Variants in ARK2N observed in about 807,000 individuals in gnomAD.
ARK2N encodes the protein arkadia (RNF111) N-terminal like PKA signaling regulator 2N.
At chr18:46,216,542 A>G in the ARK2N span, 12 of 1,614,028 alleles carry the variant, frequency 7.4e-6, no homozygotes, top group Non-Finnish European at 9.3e-6. This position sits in a 1 kb window ranked among gnomAD's most constrained non-coding sequence, Gnocchi z 4.3. Flanking sequence ...AGCTCATCAG[A>G]TGATGATGAA....
the ARK2N span, among the ~76,000 whole-genome samples, chr18:46,214,650 A>G: frequency 6.6e-6 from 1 of 152,334 alleles, no homozygotes; most frequent in Middle Eastern, 3.4e-3. Context: ...TGTATGGTTA[A>G]TTGGAGTTGT....
the ARK2N span, among the ~76,000 whole-genome samples, chr18:46,184,330 G>A: frequency 6.6e-6 from 1 of 152,124 alleles, no homozygotes; most frequent in Admixed American, 6.6e-5. Context: ...CAGCATGTTG[G>A]CTAGGCTGGT....
At chr18:46,253,218 T>C in the ARK2N span, among the ~76,000 whole-genome samples, 33 of 152,248 alleles carry the variant, frequency 2.2e-4, no homozygotes, top group Non-Finnish European at 4.1e-4. Flanking sequence ...TATTATTCTA[T>C]ATGTGCCTTT....
At chr18:46,257,193 T>C in the ARK2N span, among the ~76,000 whole-genome samples, 1 of 152,212 alleles carries the variant, frequency 6.6e-6, no homozygotes, top group Non-Finnish European at 1.5e-5. Flanking sequence ...TTTTAAGAAC[T>C]CAGATTTGGT....
the ARK2N span, among the ~76,000 whole-genome samples, chr18:46,242,763 T>C: frequency 6.6e-6 from 1 of 152,228 alleles, no homozygotes; most frequent in African/African-American, 2.4e-5. Flanking sequence ...ATGAGTTTTG[T>C]TGTTGTTATG....
the ARK2N span, among the ~76,000 whole-genome samples, chr18:46,242,617 A>C: frequency 6.6e-6 from 1 of 152,158 alleles, no homozygotes; most frequent in Non-Finnish European, 1.5e-5. Flanking sequence ...TGGATATTTA[A>C]TGTGTGGTAT....
chr18:46,266,586 G>A, the ARK2N span: 1 of 152,478 alleles, frequency 6.6e-6, no homozygotes. Flanking sequence ...TTGTTGTTTT[G>A]TTTCTTAAAG....
the ARK2N span, among the ~76,000 whole-genome samples, chr18:46,236,398 A>G: frequency 4.6e-5 from 7 of 152,264 alleles, no homozygotes; most frequent in Non-Finnish European, 1.0e-4. Flanking sequence ...GAGGAGAAAT[A>G]GCACCTGAGT....
At chr18:46,175,937 T>C in the ARK2N span, among the ~76,000 whole-genome samples, 8 of 152,346 alleles carry the variant, frequency 5.3e-5, no homozygotes, top group South Asian at 1.4e-3. Flanking sequence ...TTATTCACTT[T>C]ATATTTAACA....
the ARK2N span, among the ~76,000 whole-genome samples, chr18:46,174,551 C>T: frequency 1.3e-5 from 2 of 152,286 alleles, no homozygotes; most frequent in African/African-American, 4.8e-5. Flanking sequence ...CCTCTCCGAC[C>T]TCCTTGCTCG....
the ARK2N span, among the ~76,000 whole-genome samples, chr18:46,252,945 T>C: frequency 1.3e-5 from 2 of 152,240 alleles, no homozygotes; most frequent in Admixed American, 1.3e-4. Flanking sequence ...TTGGGAAGAC[T>C]CTTGTAAAGA....
At chr18:46,228,345 TAAC>T in the ARK2N span, among the ~76,000 whole-genome samples, 1 of 152,196 alleles carries the variant, frequency 6.6e-6, no homozygotes, top group Non-Finnish European at 1.5e-5. Flanking sequence ...TTCAAGCACT[TAAC>T]AGGCTTCTTT....
the ARK2N span, among the ~76,000 whole-genome samples, chr18:46,250,838 T>C: frequency 6.6e-6 from 1 of 152,138 alleles, no homozygotes; most frequent in African/African-American, 2.4e-5. Context: ...CACCAAACTT[T>C]TATACCTTAA....
At chr18:46,242,188 T>G in the ARK2N span, among the ~76,000 whole-genome samples, 1 of 152,268 alleles carries the variant, frequency 6.6e-6, no homozygotes, top group African/African-American at 2.4e-5. Flanking sequence ...TCAGTTTTAT[T>G]TCTCTGTTTT....
chr18:46,174,175 C>G, the ARK2N span: 1 of 152,440 alleles, frequency 6.6e-6, no homozygotes, highest in Non-Finnish European at 1.5e-5. Flanking sequence ...ACCCACTGCT[C>G]GCTGCCGGGG....
the ARK2N span, chr18:46,228,940 A>G: frequency 5.0e-6 from 2 of 396,122 alleles, no homozygotes; most frequent in Admixed American, 4.4e-5. Context: ...TTGAACACTA[A>G]TAATTTTGGA....
At chr18:46,249,881 G>A in the ARK2N span, among the ~76,000 whole-genome samples, 1,506 of 152,130 alleles carry the variant, frequency 9.9e-3, 29 homozygotes, top group African/African-American at 0.034. Flanking sequence ...GAGTGCAGTG[G>A]TGCAATCATG....
chr18:46,182,451 C>G, the ARK2N span, among the ~76,000 whole-genome samples: 1 of 151,986 alleles, frequency 6.6e-6, no homozygotes, highest in Non-Finnish European at 1.5e-5. Flanking sequence ...AATTTAGAAC[C>G]TTTGTTTTAG....
the ARK2N span, among the ~76,000 whole-genome samples, chr18:46,239,289 C>T: frequency 6.6e-6 from 1 of 152,094 alleles, no homozygotes; most frequent in African/African-American, 2.4e-5. Context: ...TGTAAAATCA[C>T]CCATAAGATT....
Sources: gnomAD v4.1 joint callset for allele counts (sites outside exome capture counted in the v4.1 genomes callset) on GRCh38, gnomAD v4.1.1 for gene constraint, Gnocchi (gnomAD v3.1) non-coding constraint, MANE v1.5 for transcripts, NCBI Gene and HGNC (gene_info 2026-07-23, HGNC 2026-07-21) for gene names.